CYP4F11: variants seen among roughly 807,000 people sequenced by gnomAD.
CYP4F11 encodes the protein cytochrome P450 4F11.
Under a neutral mutation model 62.2 loss-of-function variants are expected in CYP4F11, and 79 were observed. That is an observed-to-expected ratio of 1.27 (90% CI 1.06 to 1.53). CYP4F11 has a LOEUF of 1.53. CYP4F11 is among the 40% of genes most tolerant of loss of function. The pLI, the probability that CYP4F11 is intolerant of heterozygous loss-of-function variation, is 0.00. For missense variants in CYP4F11, 777 were observed against 680.5 expected, an observed-to-expected ratio of 1.14 and a Z score of -1.58; for synonymous variants, 290 against 263.7, an observed-to-expected ratio of 1.10 and a Z score of -0.97.
At chr19:15,933,289 G>A (rs1229073380) in intron 1 of CYP4F11, among the ~76,000 whole-genome samples, 3 of 7,946 alleles carry the variant, frequency 3.8e-4, no homozygotes, top group African/African-American at 2.4e-3. Flanking sequence ...AGTGAGGAGA[G>A]GAATGAGTGA....
At chr19:15,928,589 A>T (rs965804828) in intron 2 of CYP4F11, among the ~76,000 whole-genome samples, 1 of 152,174 alleles carries the variant, frequency 6.6e-6, no homozygotes, top group African/African-American at 2.4e-5. Flanking sequence ...CATGAGTCTG[A>T]GTTTCCATCA....
rs1240149483 is a variant in CYP4F11, at chr19:15,912,721, GTGTGTGTGTGTGTA to G, written c.*997_*1010del. The G allele has an allele frequency of 1.2e-5, 1 of 86,250 alleles. No homozygotes were observed. Among genetic ancestry groups the G allele is most frequent in the Non-Finnish European group, 2.2e-5 (1 of 44,770 alleles). 5.3% of individuals were successfully genotyped at this position (86,250 alleles called of 1,614,324 possible). ...TATGTGTGTGTGTGTGTGTGTGTGTGTGTGTGTGTGTGTATATGTATATATGTGTGTGTGTGTGT... is the reference window on the plus strand; with the variant it reads ...TATGTGTGTGTGTGTGTGTGTGTGTGTATGTATATATGTGTGTGTGTGTGT... On this transcript the variant is annotated 3_prime_UTR_variant, in exon 12 of 12. Coordinates refer to ENST00000402119, the MANE Select transcript of CYP4F11 (RefSeq NM_021187.4).
chr19:15,914,344 C>T lies in CYP4F11; in HGVS notation c.1358G>A (p.Arg453Lys). The T allele has an allele frequency of 1.2e-6, 2 of 1,614,130 alleles. No homozygotes were observed. The highest frequency in any genetic ancestry group is 8.5e-7 in the Non-Finnish European group (1 of 1,180,014). The change falls in exon 11 of 12, where the codon AGG becomes AAG. Residue 453 changes from arginine (R) to lysine (K), a missense_variant. Physicochemically the swap from Arg to Lys is conservative, Grantham distance 26 (BLOSUM62 2). Transcript: ENST00000402119. ...FRFDQENIKE[R>K]SPLAFIPFSA... is the part of the protein sequence containing the mutation. The stretch of plus-strand genomic sequence containing the variant: ...GAAGGGAATAAAAGCCAGAGGTGAC[C>T]TCTCCTTGATGTTCTCTTGGTCGAA...
At chr19:15,933,269 G>A (rs376022635) in intron 1 of CYP4F11, among the ~76,000 whole-genome samples, 1 of 16,366 alleles carries the variant, frequency 6.1e-5, no homozygotes, top group Non-Finnish European at 1.1e-4. Flanking sequence ...AGCGAGGAGA[G>A]GAATGAGTGA....
upstream of CYP4F11, chr19:15,934,638 T>C: frequency 2.0e-6 from 1 of 495,552 alleles, no homozygotes; most frequent in Non-Finnish European, 3.5e-6. Flanking sequence ...AGAGGCTGAT[T>C]AGAATCCAAA....
chr19:15,913,716 TG>T lies in CYP4F11; in HGVS notation c.*15del. On this transcript the variant is annotated 3_prime_UTR_variant, in exon 12 of 12. Coordinates refer to ENST00000402119, the MANE Select transcript of CYP4F11 (RefSeq NM_021187.4). ...GTTTCTGGGACTCTACAGAGGTGGGTGGGTGGGTAGGACAGTCACTGTGAGT... is the reference window on the plus strand; with the variant it reads ...GTTTCTGGGACTCTACAGAGGTGGGTGGTGGGTAGGACAGTCACTGTGAGT... The T allele has an allele frequency of 6.5e-7, 1 of 1,537,330 alleles. No homozygotes were observed. The highest frequency in any genetic ancestry group is 9.0e-7 in the Non-Finnish European group (1 of 1,114,782).
rs3056063 is a variant in CYP4F11, at chr19:15,923,238, CCTCTCTCTCTCTCT to C, written c.918+560_918+573del. ...TTTTATTCCAGAACAAAGCAAACAT[CCTCTCTCTCTCTCT>C]CTCTCTCTCTCTCTCTCTCTCTCTC... On this transcript the variant is annotated intron_variant, in intron 6 of 11. Coordinates refer to ENST00000402119, the MANE Select transcript of CYP4F11 (RefSeq NM_021187.4). 6.3e-3 allele frequency among the ~76,000 whole-genome samples: 699 copies of C among 110,514 alleles called. 8 individuals are homozygous for C. Among genetic ancestry groups the C allele is most frequent in the African/African-American group, 0.022 (630 of 28,204 alleles). The allele number at this position is 110,514 out of a possible 152,430, so 72.5% of individuals were successfully genotyped here. A position where few individuals can be genotyped will look rare whatever the true frequency, so the allele number is the denominator to read the frequency against.
chr19:15,914,950 C>T lies in CYP4F11; in HGVS notation c.1116-55G>A. 10 of 1,593,594 alleles carry T rather than the reference C, an allele frequency of 6.3e-6. No individual in the cohort carries two copies. In the South Asian group the frequency reaches 1.0e-4, roughly 17 times the overall value. ...TCAAGGGAACAAAGACACAATTCTC[C>T]AGCTTCTCTGTTTCCAAGCGAGACT... On this transcript the variant is annotated intron_variant, in intron 8 of 11. Transcript: ENST00000402119.
At chr19:15,919,304 AATAC>A (rs1270222579) in intron 8 of CYP4F11, among the ~76,000 whole-genome samples, 1 of 149,670 alleles carries the variant, frequency 6.7e-6, no homozygotes, top group African/African-American at 2.4e-5. Context: ...ATATAAATAA[AATAC>A]ATAGTATATA....
intron 6 of CYP4F11, among the ~76,000 whole-genome samples, chr19:15,923,483 C>T (rs917940159): frequency 7.9e-5 from 12 of 152,284 alleles, no homozygotes; most frequent in Admixed American, 4.6e-4. Flanking sequence ...GCTGCTATTG[C>T]TGTGAATGAT....
Position 15,915,043 on chromosome 19 carries a change from A to T in CYP4F11, c.1116-148T>A. 3 of 1,372,460 alleles carry T rather than the reference A, an allele frequency of 2.2e-6. No homozygotes were observed. The South Asian group carries it at 5.0e-5, about 23-fold the overall frequency. 85.0% of individuals were successfully genotyped at this position (1,372,460 alleles called of 1,614,324 possible). The stretch of plus-strand genomic sequence containing the variant: ...TGGAGAATTTAAAAAGCAGAAAAAA[A>T]TTAGAAAAGCAGAAAATTAGAAAAG... On this transcript the variant is annotated intron_variant, in intron 8 of 11. Transcript: ENST00000402119.
chr19:15,934,375 C>A lies in CYP4F11; in HGVS notation c.34G>T (p.Gly12Trp), dbSNP rs199657164. Residue 12 changes from glycine to tryptophan, a missense_variant, in exon 1 of 12, where the codon GGG (glycine) becomes TGG (tryptophan). By Grantham distance (184) the Gly-to-Trp change is radical (BLOSUM62 -2). Transcript: ENST00000402119. Reference sequence around the variant, plus strand: ...AGCCACGGGGATGCTGCCACGGGCCCGAGGCCCAGCCAGGACAGGCTCAGC... The same window carrying A: ...AGCCACGGGGATGCTGCCACGGGCCAGAGGCCCAGCCAGGACAGGCTCAGC... ...PQLSLSWLGLGPVAASPWLLL... is the reference protein window; with the variant it reads ...PQLSLSWLGLWPVAASPWLLL... 1.9e-6 allele frequency: 3 copies of A among 1,613,350 alleles called. No homozygotes were observed. Among genetic ancestry groups the A allele is most frequent in the Non-Finnish European group, 2.5e-6 (3 of 1,179,688 alleles).
chr19:15,934,390 A>G lies in CYP4F11; in HGVS notation c.19T>C (p.Ser7Pro). 6.2e-7 allele frequency: 1 copy of G among 1,613,268 alleles called. No homozygotes were observed. Among genetic ancestry groups the G allele is most frequent in the Admixed American group, 1.7e-5 (1 of 59,956 alleles). MPQLSL[S>P]WLGLGPVAAS... ...GCCACGGGCCCGAGGCCCAGCCAGG[A>G]CAGGCTCAGCTGCGGCATCCTGCAG... The change falls in exon 1 of 12, where the codon TCC (serine) becomes CCC (proline). Residue 7 changes from serine to proline, a missense_variant. Physicochemically the swap from Ser to Pro is moderately conservative, Grantham distance 74. Coordinates refer to ENST00000402119, the MANE Select transcript of CYP4F11 (RefSeq NM_021187.4).
chr19:15,928,017 T>A (rs1897364244), intron 2 of CYP4F11: 1 of 153,798 alleles, frequency 6.5e-6, no homozygotes, highest in Non-Finnish European at 1.4e-5. Context: ...GTCACTAATG[T>A]CCTAAACATG....
chr19:15,921,273 T>C (rs550998306), intron 8 of CYP4F11, among the ~76,000 whole-genome samples: 4 of 152,334 alleles, frequency 2.6e-5, no homozygotes, highest in East Asian at 3.9e-4. Context: ...ATTCTCACTA[T>C]GTTGTCCAGG....
intron 1 of CYP4F11, among the ~76,000 whole-genome samples, chr19:15,931,585 G>GAGAGGAATGAGTGAGTGGGC (rs2089721748): frequency 9.4e-6 from 1 of 106,546 alleles, no homozygotes. Context: ...AGTGAGCGAG[G>GAGAGGAATGAGTGAGTGGGC]AGAGGAATGA....
chr19:15,934,470 C>T lies in CYP4F11; in HGVS notation c.-62G>A, dbSNP rs530824383. On this transcript the variant is annotated 5_prime_UTR_variant, in exon 1 of 12. Coordinates refer to ENST00000402119, the MANE Select transcript of CYP4F11 (RefSeq NM_021187.4). The stretch of plus-strand genomic sequence containing the variant: ...GGCCCAGGGAAGGGCCCAGGAAGCT[C>T]CAAGGACAGTGGAAAGGGGCAAGGA... 1.3e-6 allele frequency: 2 copies of T among 1,580,864 alleles called. No individual in the cohort carries two copies. The highest frequency in any genetic ancestry group is 1.7e-6 in the Non-Finnish European group (2 of 1,167,702).
chr19:15,922,050 T>C lies in CYP4F11; in HGVS notation c.1102A>G (p.Ile368Val). Residue 368 changes from isoleucine to valine, a missense_variant, in exon 8 of 12, where the codon ATA becomes GTA. Ile to Val is a conservative substitution (Grantham distance 29, BLOSUM62 3). Coordinates refer to ENST00000402119, the MANE Select transcript of CYP4F11 (RefSeq NM_021187.4). ...VQELLKDREP[I>V]EIEWDDLAQL... ...ACCTGCACTCACCATTCAATCTCTA[T>C]AGGTTCACGGTCCTTCAGAAGCTCT... 2 of 1,609,450 alleles carry C rather than the reference T, an allele frequency of 1.2e-6. No homozygotes were observed. The highest frequency in any genetic ancestry group is 1.3e-5 in the African/African-American group (1 of 74,912).
chr19:15,931,235 G>A lies in CYP4F11; in HGVS notation c.199-1634C>T, dbSNP rs146809374. Among the ~76,000 whole-genome samples the A allele has an allele frequency of 5.4e-3, 828 of 151,944 alleles. 10 individuals are homozygous for A. Among genetic ancestry groups the A allele is most frequent in the Non-Finnish European group, 7.3e-3 (498 of 68,022 alleles). ...TCTTCTGGACCCTCTGTGTCCCTGC[G>A]TATGGAAAGGGGCTCAGAGCTAATT... On this transcript the variant is annotated intron_variant, in intron 1 of 11. Coordinates refer to ENST00000402119, the MANE Select transcript of CYP4F11 (RefSeq NM_021187.4).
Sources: allele counts gnomAD v4.1 joint callset (sites outside exome capture counted in the v4.1 genomes callset), GRCh38; gene constraint gnomAD v4.1.1; transcripts MANE v1.5; gene names NCBI Gene and HGNC (gene_info 2026-07-23, HGNC 2026-07-21).